Variants in PLCB1 observed in about 807,000 individuals in gnomAD.
PLCB1 encodes the protein phospholipase C beta 1, also known as 1-phosphatidylinositol 4,5-bisphosphate phosphodiesterase beta-1.
In PLCB1, 46 loss-of-function variants were observed where a neutral mutation model predicts 161.8. That is an observed-to-expected ratio of 0.28 (90% confidence interval 0.22 to 0.36). The LOEUF is 0.36. PLCB1 is among the 10% of genes least tolerant of loss of function. The pLI is 1.00. For missense variants in PLCB1, 1,016 were observed against 1,472.5 expected (o/e 0.69, Z 5.07); for synonymous variants, 517 against 503.7 (o/e 1.03, Z -0.35).
At chr20:8,368,528 C>CAAAAAAAAAAAAA (rs1216338206) in intron 2 of PLCB1, among the ~76,000 whole-genome samples, 2 of 63,796 alleles carry the variant, frequency 3.1e-5, no homozygotes, top group Admixed American at 2.0e-4. Flanking sequence ...CTCTGTCTCT[C>CAAAAAAAAAAAAA]AAAAAAAAAA....
chr20:8,254,680 T>C (rs1324509717), intron 2 of PLCB1, among the ~76,000 whole-genome samples: 4 of 152,046 alleles, frequency 2.6e-5, no homozygotes. Context: ...ACTTATTAGG[T>C]TGAATTATTT....
chr20:8,751,889 G>A (rs1981498833), intron 23 of PLCB1: 1 of 152,038 alleles, frequency 6.6e-6, no homozygotes, highest in Non-Finnish European at 1.5e-5. Context: ...AAATAATGGG[G>A]GAGAAATAAA....
rs114109931 is a variant in PLCB1 at position 8,528,220 on chromosome 20, A to G, written c.247-100074A>G. 5.5e-3 allele frequency among the ~76,000 whole-genome samples: 840 copies of G among 152,184 alleles called. 7 individuals are homozygous for G. The highest frequency in any genetic ancestry group is 0.018 in the African/African-American group (737 of 41,560). On this transcript the variant is annotated intron_variant, in intron 3 of 31. Transcript: ENST00000338037. ...TTTCTACCAATGTAAATGAAGACATATGAATCCACACAATGACTTTTACAT... is the reference window on the plus strand; with the variant it reads ...TTTCTACCAATGTAAATGAAGACATGTGAATCCACACAATGACTTTTACAT...
At chr20:8,738,775 C>T (rs1045596501) in intron 20 of PLCB1, among the ~76,000 whole-genome samples, 2 of 152,162 alleles carry the variant, frequency 1.3e-5, no homozygotes, top group Non-Finnish European at 2.9e-5. Context: ...CCCATGTCTT[C>T]TCCTCTGAAA....
chr20:8,266,809 C>A (rs186572832), intron 2 of PLCB1, among the ~76,000 whole-genome samples: 1 of 151,988 alleles, frequency 6.6e-6, no homozygotes, highest in Non-Finnish European at 1.5e-5. Flanking sequence ...GAGGCCAAGG[C>A]GGGTGGACCA....
intron 3 of PLCB1, among the ~76,000 whole-genome samples, chr20:8,544,113 C>T (rs1985444796): frequency 6.6e-6 from 1 of 152,124 alleles, no homozygotes; most frequent in Admixed American, 6.5e-5. Context: ...CCCCAAACCT[C>T]AGCATCACGC....
At chr20:8,737,237 G>C in intron 20 of PLCB1, 45 bp downstream of exon 20, 1 of 1,453,464 alleles carries the variant, frequency 6.9e-7, no homozygotes, top group Non-Finnish European at 9.6e-7. Context: ...CATTTTTCAG[G>C]TGTTTTACAC....
At chr20:8,300,377 CG>C (rs1983845784) in intron 2 of PLCB1, among the ~76,000 whole-genome samples, 1 of 152,002 alleles carries the variant, frequency 6.6e-6, no homozygotes, top group African/African-American at 2.4e-5. Flanking sequence ...ATAATAAGGA[CG>C]GGGATATAGA....
At chr20:8,637,656 A>T (rs916981237) in intron 4 of PLCB1, among the ~76,000 whole-genome samples, 1 of 152,236 alleles carries the variant, frequency 6.6e-6, no homozygotes, top group Admixed American at 6.5e-5. Flanking sequence ...ACTTAAAAAG[A>T]TAAATATATA....
intron 7 of PLCB1, among the ~76,000 whole-genome samples, chr20:8,654,150 C>G (rs1171952438): frequency 6.6e-6 from 1 of 151,910 alleles, no homozygotes; most frequent in Non-Finnish European, 1.5e-5. Flanking sequence ...GTACTACCAC[C>G]AAGATTGTTA....
chr20:8,513,549 C>G (rs1473359201), intron 3 of PLCB1, among the ~76,000 whole-genome samples: 2 of 152,164 alleles, frequency 1.3e-5, no homozygotes, highest in African/African-American at 4.8e-5. Context: ...ACTGCAGGTG[C>G]TGAAGCCAAG....
chr20:8,494,530 A>G (rs1450334929), intron 3 of PLCB1, among the ~76,000 whole-genome samples: 1 of 152,174 alleles, frequency 6.6e-6, no homozygotes, highest in African/African-American at 2.4e-5. Flanking sequence ...TTAAGTCAGA[A>G]AACAAAAGCT....
chr20:8,677,599 A>G (rs1173128238), intron 9 of PLCB1, among the ~76,000 whole-genome samples: 2 of 152,164 alleles, frequency 1.3e-5, no homozygotes, highest in African/African-American at 4.8e-5. Context: ...ACGGGGACCA[A>G]AAGTGCTAGA....
intron 3 of PLCB1, among the ~76,000 whole-genome samples, chr20:8,604,624 T>C (rs1987703371): frequency 6.6e-6 from 1 of 152,136 alleles, no homozygotes; most frequent in Non-Finnish European, 1.5e-5. Flanking sequence ...AAAGCATTAT[T>C]TGGTTGTCTG....
At chr20:8,495,080 A>C (rs985991544) in intron 3 of PLCB1, among the ~76,000 whole-genome samples, 1 of 151,902 alleles carries the variant, frequency 6.6e-6, no homozygotes, top group Non-Finnish European at 1.5e-5. Flanking sequence ...CTTATGGAGA[A>C]AGGGAGAAGA....
chr20:8,466,393 C>T (rs1600089618), intron 3 of PLCB1, among the ~76,000 whole-genome samples: 1 of 150,954 alleles, frequency 6.6e-6, no homozygotes, highest in African/African-American at 2.4e-5. Context: ...TTAGTGGGTG[C>T]AGCGCACCAG....
At chr20:8,427,892 G>A (rs1979854611) in intron 3 of PLCB1, among the ~76,000 whole-genome samples, 1 of 152,142 alleles carries the variant, frequency 6.6e-6, no homozygotes, top group South Asian at 2.1e-4. Flanking sequence ...TACAGCAGTT[G>A]AGGGAAACTA....
At chr20:8,831,912 C>CTTTCTTTCTTTCTT (rs1322579258) in intron 31 of PLCB1, among the ~76,000 whole-genome samples, 7 of 58,572 alleles carry the variant, frequency 1.2e-4, no homozygotes, top group Non-Finnish European at 2.1e-4. Context: ...CTCTTTCTTT[C>CTTTCTTTCTTTCTT]TCTTTCTTTC....
intron 19 of PLCB1, among the ~76,000 whole-genome samples, chr20:8,735,873 C>G (rs1303421510): frequency 6.6e-6 from 1 of 152,142 alleles, no homozygotes; most frequent in Non-Finnish European, 1.5e-5. Flanking sequence ...ATTCAGAGAG[C>G]CTTCCTGATG....
Sources: allele counts gnomAD v4.1 joint callset (sites outside exome capture counted in the v4.1 genomes callset), GRCh38; gene constraint gnomAD v4.1.1; transcripts MANE v1.5; gene names NCBI Gene and HGNC (gene_info 2026-07-23, HGNC 2026-07-21).